FRMD4A: variants seen among roughly 807,000 people sequenced by gnomAD.
FRMD4A encodes FERM domain containing 4A.
A neutral mutation model predicts 129.1 loss-of-function variants in FRMD4A; 29 were observed. That is an observed-to-expected ratio of 0.22 (90% CI 0.17 to 0.31). FRMD4A has a LOEUF of 0.31. FRMD4A is among the 10% of genes least tolerant of loss of function. The probability of loss-of-function intolerance (pLI) is 1.00; values close to 1 mark genes in which losing one functional copy is unlikely to be tolerated. For missense variants in FRMD4A, 1,272 were observed against 1,375.8 expected (o/e 0.92, Z 1.19); for synonymous variants, 634 against 571.6 (o/e 1.11, Z -1.56).
At chr10:14,181,486 G>T (rs1841912118) in intron 2 of FRMD4A, among the ~76,000 whole-genome samples, 1 of 152,174 alleles carries the variant, frequency 6.6e-6, no homozygotes, top group Non-Finnish European at 1.5e-5. Context: ...CAGAGGGGAA[G>T]CAGTTGGATG....
At chr10:14,129,963 T>A (rs1205983904) in intron 2 of FRMD4A, among the ~76,000 whole-genome samples, 1 of 152,136 alleles carries the variant, frequency 6.6e-6, no homozygotes, top group Non-Finnish European at 1.5e-5. Context: ...GTGGTGGCCC[T>A]CTTGGTTGTC....
intron 2 of FRMD4A, among the ~76,000 whole-genome samples, chr10:13,994,304 C>T (rs560419927): frequency 4.6e-4 from 70 of 151,788 alleles, no homozygotes; most frequent in Non-Finnish European, 6.8e-4. Flanking sequence ...CTCAGCCTCC[C>T]GAGTAGCTGG....
At chr10:13,885,921 C>G (rs2094613893) in intron 2 of FRMD4A, among the ~76,000 whole-genome samples, 1 of 152,178 alleles carries the variant, frequency 6.6e-6, no homozygotes, top group African/African-American at 2.4e-5. Context: ...CTCTCTCTCT[C>G]TCTCTCTGGG....
intron 6 of FRMD4A, among the ~76,000 whole-genome samples, chr10:13,767,283 G>A (rs1223719046): frequency 1.3e-4 from 20 of 151,978 alleles, no homozygotes; most frequent in Non-Finnish European, 1.2e-4. Flanking sequence ...GTGTCACCCA[G>A]GCTGGAATGC....
intron 3 of FRMD4A, among the ~76,000 whole-genome samples, chr10:13,825,922 G>C (rs534631094): frequency 1.3e-5 from 2 of 152,234 alleles, no homozygotes; most frequent in African/African-American, 4.8e-5. Flanking sequence ...ATGCCCTGTG[G>C]ATGCCAAGGG....
At chr10:14,244,350 G>A (rs1034230520) in intron 2 of FRMD4A, among the ~76,000 whole-genome samples, 1 of 152,154 alleles carries the variant, frequency 6.6e-6, no homozygotes, top group African/African-American at 2.4e-5. Flanking sequence ...CCAGTGACTA[G>A]CGTCTAACTA....
At chr10:13,915,256 ATAGCTC>A (rs2094987552) in intron 2 of FRMD4A, among the ~76,000 whole-genome samples, 1 of 152,158 alleles carries the variant, frequency 6.6e-6, no homozygotes, top group Admixed American at 6.6e-5. Context: ...CCCCAAAAGA[ATAGCTC>A]TAGCAGTGGG....
intron 2 of FRMD4A, among the ~76,000 whole-genome samples, chr10:14,045,930 A>T (rs1833973875): frequency 6.8e-6 from 1 of 147,984 alleles, no homozygotes; most frequent in Non-Finnish European, 1.5e-5. Flanking sequence ...TTAATGTATT[A>T]ATACATATTC....
intron 2 of FRMD4A, among the ~76,000 whole-genome samples, chr10:13,893,662 C>T (rs2131171279): frequency 6.6e-6 from 1 of 152,238 alleles, no homozygotes; most frequent in South Asian, 2.1e-4. Flanking sequence ...GCTGGGATTA[C>T]AGGCACCCAC....
At chr10:14,105,024 A>C (rs1837514726) in intron 2 of FRMD4A, among the ~76,000 whole-genome samples, 1 of 152,170 alleles carries the variant, frequency 6.6e-6, no homozygotes, top group Non-Finnish European at 1.5e-5. Flanking sequence ...CCCACGCCGC[A>C]GGGCCCTTCC....
intron 2 of FRMD4A, among the ~76,000 whole-genome samples, chr10:13,980,427 C>T (rs558381979): frequency 6.6e-5 from 10 of 152,272 alleles, no homozygotes; most frequent in East Asian, 3.9e-4. Flanking sequence ...CATAAATGGT[C>T]GGTTAAAATT....
At chr10:14,257,668 G>A (rs11258979) in intron 2 of FRMD4A, among the ~76,000 whole-genome samples, 11,378 of 152,222 alleles carry the variant, frequency 0.075, 534 homozygotes, top group African/African-American at 0.13. Flanking sequence ...ACAGAGACAC[G>A]GAAACATACA....
intron 15 of FRMD4A, among the ~76,000 whole-genome samples, chr10:13,691,987 C>T (rs989313367): frequency 6.6e-6 from 1 of 152,072 alleles, no homozygotes; most frequent in Admixed American, 6.6e-5. Flanking sequence ...TGGCCAACTC[C>T]CAAGCTTCAG....
At chr10:14,230,284 G>A (rs556502540) in intron 2 of FRMD4A, among the ~76,000 whole-genome samples, 12 of 152,298 alleles carry the variant, frequency 7.9e-5, no homozygotes, top group Non-Finnish European at 1.5e-4. Flanking sequence ...TGTCACTGAA[G>A]AATGGTTAAG....
At chr10:14,106,086 G>A (rs148963952) in intron 2 of FRMD4A, among the ~76,000 whole-genome samples, 48 of 152,252 alleles carry the variant, frequency 3.2e-4, no homozygotes, top group Non-Finnish European at 5.9e-4. Flanking sequence ...ACCCACAACA[G>A]GAAACTCCCC....
chr10:13,961,080 C>T (rs1013755763), intron 2 of FRMD4A, among the ~76,000 whole-genome samples: 11 of 152,186 alleles, frequency 7.2e-5, no homozygotes, highest in African/African-American at 2.7e-4. Context: ...GGATTGAGCA[C>T]AGTTAAAACA....
chr10:13,721,568 C>A (rs531403523), intron 12 of FRMD4A, among the ~76,000 whole-genome samples: 1 of 152,262 alleles, frequency 6.6e-6, no homozygotes, highest in Admixed American at 6.5e-5. Flanking sequence ...TTAGTGGCAT[C>A]CCTTGTCCAT....
Position 13,666,281 on chromosome 10 carries a change from G to T in FRMD4A, c.1419C>A (p.Ser473=). ...GGCGGCGGGCGGCCTCCGTAATCTG[G>T]GACTGAATGGCAAACTCTCGTTCCA... ...ERLEREFAIQ[S]QITEAARRLA... The change falls in exon 18 of 25, where the codon TCC becomes TCA. Residue 473 remains serine (S), a synonymous_variant. Transcript: ENST00000357447. The T allele has an allele frequency of 6.2e-7, 1 of 1,614,082 alleles. No homozygotes were observed. Among genetic ancestry groups the T allele is most frequent in the Non-Finnish European group, 8.5e-7 (1 of 1,179,972 alleles).
At chr10:13,652,326 T>G (rs1323284507) in intron 23 of FRMD4A, 7 of 311,672 alleles carry the variant, frequency 2.2e-5, no homozygotes, top group East Asian at 7.6e-5. Flanking sequence ...CCATCTTAAG[T>G]GCATAGGACC....
Sources: gnomAD v4.1 joint callset for allele counts (sites outside exome capture counted in the v4.1 genomes callset) on GRCh38, gnomAD v4.1.1 for gene constraint, MANE v1.5 for transcripts, NCBI Gene and HGNC (gene_info 2026-07-23, HGNC 2026-07-21) for gene names.